The following ATP8A2 variants were observed in gnomAD, a reference collection of about 807,000 sequenced individuals.
The protein encoded by ATP8A2 is phospholipid-transporting ATPase IB.
A neutral mutation model predicts 165.6 loss-of-function variants in ATP8A2; 100 were observed. The ratio of observed to expected loss-of-function variants is 0.60; its 90% CI spans 0.51 to 0.71. The LOEUF (loss-of-function observed/expected upper bound fraction) is 0.71. ATP8A2 is among the 30% of genes least tolerant of loss of function. ATP8A2 has a pLI of 0.00. For synonymous variants in ATP8A2, 543 were observed against 548.8 expected (o/e 0.99, Z 0.15); for missense variants, 1,227 against 1,479.5 (o/e 0.83, Z 2.80).
chr13:25,483,469 A>G (rs1323107999), intron 2 of ATP8A2, among the ~76,000 whole-genome samples: 3 of 152,034 alleles, frequency 2.0e-5, no homozygotes, highest in African/African-American at 4.8e-5. Flanking sequence ...CCAGCAAGGT[A>G]GGGGCAGCAC....
chr13:25,534,393 T>A (rs2038211876), intron 6 of ATP8A2, among the ~76,000 whole-genome samples: 1 of 152,204 alleles, frequency 6.6e-6, no homozygotes, highest in Non-Finnish European at 1.5e-5. Context: ...CTCCCAGCAC[T>A]GGGAAATTGC....
chr13:25,797,216 C>A (rs1402061435), intron 27 of ATP8A2, among the ~76,000 whole-genome samples: 2 of 152,168 alleles, frequency 1.3e-5, no homozygotes, highest in East Asian at 3.9e-4. Flanking sequence ...TGCAGTGAGC[C>A]AAGATCGCAC....
At chr13:25,556,586 T>A (rs1351849818) in intron 13 of ATP8A2, among the ~76,000 whole-genome samples, 1 of 152,212 alleles carries the variant, frequency 6.6e-6, no homozygotes, top group African/African-American at 2.4e-5. Context: ...CTGTTGGTAG[T>A]TTCTTTTGTT....
At chr13:25,662,699 C>A (rs111984137) in intron 24 of ATP8A2, among the ~76,000 whole-genome samples, 2,199 of 152,146 alleles carry the variant, frequency 0.014, 47 homozygotes, top group African/African-American at 0.049. Context: ...GAGAAATGAG[C>A]CCTTGGCAAC....
intron 2 of ATP8A2, among the ~76,000 whole-genome samples, chr13:25,523,117 CAA>C (rs749414873): frequency 2.2e-3 from 169 of 75,856 alleles, no homozygotes; most frequent in African/African-American, 6.1e-3. Context: ...GACTCTGTCT[CAA>C]AAAAAAAAAA....
At position 25,953,556 on chromosome 13, in the gene ATP8A2, AT is replaced by A. The variant is rs1305824983; in HGVS notation, c.3184-8018del. 6.1e-5 allele frequency among the ~76,000 whole-genome samples: 9 copies of A among 148,620 alleles called. No individual in the cohort carries two copies. The highest frequency in any genetic ancestry group is 2.0e-4 in the African/African-American group (8 of 39,120). Reference sequence around the variant, plus strand: ...AAAAAAAAAAAAAAAAGCAAGGGAAATAGGCAAGACGGCCAAATAGGAACAG... The same window carrying A: ...AAAAAAAAAAAAAAAAGCAAGGGAAAAGGCAAGACGGCCAAATAGGAACAG... On this transcript the variant is annotated intron_variant, in intron 33 of 36. Coordinates refer to ENST00000381655, the MANE Select transcript of ATP8A2 (RefSeq NM_016529.6). The surrounding 1 kb of genome is among the most constrained non-coding windows in gnomAD (Gnocchi z 6.7).
At chr13:26,019,326 G>A (rs751011808) in intron 36 of ATP8A2, among the ~76,000 whole-genome samples, 12 of 152,354 alleles carry the variant, frequency 7.9e-5, no homozygotes, top group Non-Finnish European at 1.5e-4. Flanking sequence ...GAACCCTGGA[G>A]GCAGAAGTTG....
intron 33 of ATP8A2, among the ~76,000 whole-genome samples, chr13:25,908,065 C>T (rs960492184): frequency 3.3e-5 from 5 of 152,170 alleles, no homozygotes; most frequent in African/African-American, 9.7e-5. Flanking sequence ...TACAGTCTGG[C>T]ATCTACCCTA....
At chr13:25,732,679 C>T (rs1033352476) in intron 25 of ATP8A2, among the ~76,000 whole-genome samples, 2 of 152,044 alleles carry the variant, frequency 1.3e-5, no homozygotes, top group South Asian at 2.1e-4. Context: ...TGGTCTAACA[C>T]GCTAAGTGAT....
At chr13:25,505,675 C>T (rs2037014321) in intron 2 of ATP8A2, among the ~76,000 whole-genome samples, 1 of 152,172 alleles carries the variant, frequency 6.6e-6, no homozygotes. Context: ...TGGACATTAC[C>T]AGGAGAGCCT....
In ATP8A2 at chr13:25,589,615, T is replaced by C. The variant is rs375432829; in HGVS notation, c.2147-20T>C. ...CAGAAGGAAAGAGAAATTCACATGT[T>C]GTCTCTTCCTCCACTTCAGGGTATT... On this transcript the variant is annotated intron_variant, in intron 23 of 36. Coordinates refer to ENST00000381655, the MANE Select transcript of ATP8A2 (RefSeq NM_016529.6). 4.5e-5 allele frequency: 72 copies of C among 1,593,190 alleles called. No individual in the cohort carries two copies. In the African/African-American group the frequency reaches 7.4e-4, roughly 16 times the overall value.
intron 33 of ATP8A2, among the ~76,000 whole-genome samples, chr13:25,955,152 A>C (rs954146986): frequency 6.6e-6 from 1 of 152,244 alleles, no homozygotes; most frequent in Non-Finnish European, 1.5e-5. Context: ...GGAGAACAAC[A>C]TAAAGCAGGA....
At chr13:25,598,989 G>A (rs34654052) in intron 24 of ATP8A2, among the ~76,000 whole-genome samples, 2,478 of 152,128 alleles carry the variant, frequency 0.016, 75 homozygotes, top group African/African-American at 0.056. Flanking sequence ...TCCACTGTCA[G>A]TGCTGGAACT....
At chr13:25,764,764 T>C (rs2044455827) in intron 25 of ATP8A2, among the ~76,000 whole-genome samples, 1 of 152,222 alleles carries the variant, frequency 6.6e-6, no homozygotes, top group Non-Finnish European at 1.5e-5. Flanking sequence ...TGAAAGAATT[T>C]TGTGAGTCTG....
chr13:25,592,464 A>C (rs1011841093), intron 24 of ATP8A2, among the ~76,000 whole-genome samples: 6 of 152,256 alleles, frequency 3.9e-5, no homozygotes, highest in African/African-American at 9.6e-5. Flanking sequence ...TGAGGGGCTG[A>C]GTACAAGTTG....
intron 34 of ATP8A2, among the ~76,000 whole-genome samples, chr13:25,967,856 A>G (rs1014840374): frequency 1.3e-5 from 2 of 152,200 alleles, no homozygotes; most frequent in African/African-American, 4.8e-5. Context: ...TAGTGTCCTC[A>G]GTAAAAGGGT....
intron 33 of ATP8A2, among the ~76,000 whole-genome samples, chr13:25,869,026 G>A (rs548790342): frequency 3.0e-5 from 4 of 132,144 alleles, no homozygotes; most frequent in Admixed American, 9.1e-5. Flanking sequence ...CCGAGATCGC[G>A]CCACTGCACT....
chr13:25,737,361 A>T (rs1158237772), intron 25 of ATP8A2, among the ~76,000 whole-genome samples: 1 of 152,184 alleles, frequency 6.6e-6, no homozygotes, highest in Admixed American at 6.5e-5. Flanking sequence ...TGATTCTGTA[A>T]AATTTCAAGT....
intron 25 of ATP8A2, among the ~76,000 whole-genome samples, chr13:25,749,590 A>G (rs217869): frequency 0.014 from 2,187 of 152,198 alleles, 63 homozygotes; most frequent in African/African-American, 0.05. Flanking sequence ...GGGCAGTCAG[A>G]AAGCCCCTTG....
Sources: allele counts gnomAD v4.1 joint callset (sites outside exome capture counted in the v4.1 genomes callset), GRCh38; gene constraint gnomAD v4.1.1; non-coding constraint Gnocchi (gnomAD v3.1); transcripts MANE v1.5; gene names NCBI Gene and HGNC (gene_info 2026-07-23, HGNC 2026-07-21).